LRP1B: variants seen among roughly 807,000 people sequenced by gnomAD.
LRP1B encodes LDL receptor related protein 1B.
LRP1B carries 217 observed loss-of-function variants against 556.6 expected under a neutral mutation model. The observed-to-expected ratio is 0.39, with a 90% CI of 0.35 to 0.44. LRP1B has a LOEUF of 0.44. Ranked by LOEUF, LRP1B falls within the 20% of genes least tolerant of loss-of-function variation. LRP1B has a pLI of 1.00. For synonymous variants in LRP1B, 2,047 were observed against 1,865.8 expected, an observed-to-expected ratio of 1.10 and a Z score of -2.50; for missense variants, 5,053 against 5,620.8, an observed-to-expected ratio of 0.90 and a Z score of 3.23.
intron 1 of LRP1B, among the ~76,000 whole-genome samples, chr2:141,983,189 T>C (rs1057367971): frequency 1.3e-5 from 2 of 151,638 alleles, no homozygotes; most frequent in Non-Finnish European, 2.9e-5. Context: ...AGAAAAAATA[T>C]CTCACTTCAG....
chr2:142,004,874 G>A (rs1416919563), intron 1 of LRP1B, among the ~76,000 whole-genome samples: 1 of 151,750 alleles, frequency 6.6e-6, no homozygotes, highest in East Asian at 1.9e-4. Flanking sequence ...AAACCCCACA[G>A]TTGTCTATGT....
chr2:141,635,256 A>G (rs1689072864), intron 2 of LRP1B, among the ~76,000 whole-genome samples: 1 of 152,188 alleles, frequency 6.6e-6, no homozygotes, highest in African/African-American at 2.4e-5. Flanking sequence ...GGCTTTTAAA[A>G]TATTATTTAG....
chr2:140,908,333 C>CTATA (rs201032924), intron 21 of LRP1B, among the ~76,000 whole-genome samples: 30 of 140,202 alleles, frequency 2.1e-4, no homozygotes, highest in African/African-American at 7.9e-4. Flanking sequence ...CTCTCTCTCT[C>CTATA]TATATATATA....
At chr2:141,086,588 G>A (rs1194047731) in intron 7 of LRP1B, among the ~76,000 whole-genome samples, 1 of 151,708 alleles carries the variant, frequency 6.6e-6, no homozygotes, top group East Asian at 1.9e-4. Context: ...TTGAACTAAT[G>A]AGGATATTTT....
intron 86 of LRP1B, among the ~76,000 whole-genome samples, chr2:140,253,982 A>C (rs898724681): frequency 6.6e-6 from 1 of 151,972 alleles, no homozygotes; most frequent in African/African-American, 2.4e-5. Context: ...GGGAAATCTC[A>C]ATGCTTAGTG....
At chr2:141,198,640 C>T (rs1681854312) in intron 6 of LRP1B, among the ~76,000 whole-genome samples, 1 of 151,962 alleles carries the variant, frequency 6.6e-6, no homozygotes, top group African/African-American at 2.4e-5. Flanking sequence ...TACCTCCTTC[C>T]ACTCACTTTT....
chr2:140,740,322 A>G (rs1688094267), intron 35 of LRP1B, among the ~76,000 whole-genome samples: 1 of 152,202 alleles, frequency 6.6e-6, no homozygotes, highest in African/African-American at 2.4e-5. Context: ...ATGATGGAAT[A>G]CTACTCCGCC....
At chr2:141,351,793 A>G (rs568897950) in intron 3 of LRP1B, among the ~76,000 whole-genome samples, 1 of 152,078 alleles carries the variant, frequency 6.6e-6, no homozygotes, top group South Asian at 2.1e-4. Flanking sequence ...AAAAGAGGAT[A>G]GGGATGATTA....
chr2:141,104,064 C>T (rs1027187419), intron 7 of LRP1B, among the ~76,000 whole-genome samples: 1 of 151,978 alleles, frequency 6.6e-6, no homozygotes, highest in African/African-American at 2.4e-5. Flanking sequence ...CGTCAACACT[C>T]TTTTGTCCTG....
intron 55 of LRP1B, among the ~76,000 whole-genome samples, chr2:140,500,441 C>T (rs1689134240): frequency 6.6e-6 from 1 of 151,974 alleles, no homozygotes; most frequent in Non-Finnish European, 1.5e-5. Context: ...GGCCCCACAT[C>T]TTTGCCATAC....
In LRP1B at chr2:140,600,770, T is replaced by TTTC. The variant is rs1336238420; in HGVS notation, c.6989+679_6989+680insGAA. Among the ~76,000 whole-genome samples the TTTC allele has an allele frequency of 6.3e-3, 554 of 87,618 alleles. 15 individuals are homozygous for TTTC. In the East Asian group the frequency reaches 0.08, roughly 13 times the overall value. 57.5% of individuals were successfully genotyped at this position (87,618 alleles called of 152,430 possible). On this transcript the variant is annotated intron_variant, in intron 42 of 90. Transcript: ENST00000389484. ...TACCTGTGCTTTGTTCTTCGGGGTT[T>TTTC]TTTTTTTTTTTTTTTTTTTTTTTAC...
intron 7 of LRP1B, among the ~76,000 whole-genome samples, chr2:141,155,219 C>T (rs114941091): frequency 0.025 from 3,793 of 151,720 alleles, 166 homozygotes; most frequent in African/African-American, 0.087. Flanking sequence ...ACTTAATAAC[C>T]TTCTTTGGAA....
intron 84 of LRP1B, among the ~76,000 whole-genome samples, chr2:140,292,463 C>G (rs2104989599): frequency 6.6e-6 from 1 of 152,140 alleles, no homozygotes; most frequent in East Asian, 1.9e-4. Flanking sequence ...TGCTGCTCCC[C>G]CTTGCTACTT....
chr2:141,472,490 A>G (rs1159440225), intron 3 of LRP1B, among the ~76,000 whole-genome samples: 1 of 152,192 alleles, frequency 6.6e-6, no homozygotes, highest in African/African-American at 2.4e-5. Context: ...CAATGAGCTG[A>G]AATTGTACCA....
chr2:141,387,995 C>T (rs1019804965), intron 3 of LRP1B, among the ~76,000 whole-genome samples: 1 of 152,056 alleles, frequency 6.6e-6, no homozygotes, highest in African/African-American at 2.4e-5. Flanking sequence ...GTGGGATTTA[C>T]TATACAAATG....
At chr2:140,791,620 A>G (rs1439531086) in intron 32 of LRP1B, among the ~76,000 whole-genome samples, 1 of 152,082 alleles carries the variant, frequency 6.6e-6, no homozygotes. Flanking sequence ...TGCTATGTCT[A>G]TATTTTTTAG....
chr2:141,247,781 C>T (rs1003179733), intron 4 of LRP1B, among the ~76,000 whole-genome samples: 1 of 152,172 alleles, frequency 6.6e-6, no homozygotes, highest in Non-Finnish European at 1.5e-5. Flanking sequence ...ATGCAAATCA[C>T]ACTCACTACT....
rs117673172 is a variant in LRP1B at position 141,146,168 on chromosome 2, G to T, written c.1013+42253C>A. Among the ~76,000 whole-genome samples, 5 of 151,446 alleles carry T rather than the reference G, an allele frequency of 3.3e-5. No homozygotes were observed. The East Asian group carries it at 9.9e-4, about 30-fold the overall frequency. On this transcript the variant is annotated intron_variant, in intron 7 of 90. Coordinates refer to ENST00000389484, the MANE Select transcript of LRP1B (RefSeq NM_018557.3). The stretch of plus-strand genomic sequence containing the variant: ...TTGAACTCCTGACCTCAAGTGATCT[G>T]CTCATCTCAGCTCCCAAAGTGCTGG...
chr2:141,726,405 T>C (rs1693037688), intron 2 of LRP1B, among the ~76,000 whole-genome samples: 1 of 151,964 alleles, frequency 6.6e-6, no homozygotes, highest in African/African-American at 2.4e-5. Flanking sequence ...TTTTATTCTT[T>C]CTAAAATCGG....
Sources: allele counts gnomAD v4.1 joint callset (sites outside exome capture counted in the v4.1 genomes callset), GRCh38; gene constraint gnomAD v4.1.1; transcripts MANE v1.5; gene names NCBI Gene and HGNC (gene_info 2026-07-23, HGNC 2026-07-21).